The following DNASE2 variants were observed in gnomAD, a reference collection of about 807,000 sequenced individuals.
DNASE2 encodes the protein deoxyribonuclease 2, lysosomal.
A neutral mutation model predicts 29.8 loss-of-function variants in DNASE2; 26 were observed. That is an observed-to-expected ratio of 0.87 (90% CI 0.64 to 1.21). The LOEUF (loss-of-function observed/expected upper bound fraction) is 1.21. Ranked by LOEUF, DNASE2 falls within the 50% of genes most tolerant of loss-of-function variation. DNASE2 has a pLI of 0.00. For synonymous variants in DNASE2, 186 were observed against 193.5 expected, an observed-to-expected ratio of 0.96 and a Z score of 0.32; for missense variants, 415 against 455.6, an observed-to-expected ratio of 0.91 and a Z score of 0.81.
Position 12,876,135 on chromosome 19 carries a change from T to G in DNASE2, c.938A>C (p.Asn313Thr). The G allele has an allele frequency of 6.2e-7, 1 of 1,614,196 alleles. No individual in the cohort carries two copies. The highest frequency in any genetic ancestry group is 8.5e-7 in the Non-Finnish European group (1 of 1,180,038). The change falls in exon 6 of 6, where the codon AAT becomes ACT. Residue 313 changes from asparagine (N) to threonine (T), a missense_variant. By Grantham distance (65) the Asn-to-Thr change is moderately conservative. Coordinates refer to ENST00000222219, the MANE Select transcript of DNASE2 (RefSeq NM_001375.3). ...CCGTTGCTCCTCTCCCTGGTTCCGA[T>G]TCATGTCACCCACGCAGGTCCAGGG... ...KGPWTCVGDMNRNQGEEQRGG... is the reference protein window; with the variant it reads ...KGPWTCVGDMTRNQGEEQRGG...
rs1970319040 is a variant in DNASE2 at position 12,876,212 on chromosome 19, T to C, written c.861A>G (p.Pro287=). Residue 287 remains proline (P), a synonymous_variant, in exon 6 of 6, where the codon CCA becomes CCG. Transcript: ENST00000222219. ...NQIAFPGPAG[P]SFNSTEDHSK... Reference sequence around the variant, plus strand: ...AGTGGTCCTCTGTGCTGTTGAAGCTTGGGCCGGCTGGTCCAGGGAAAGCTA... The same window carrying C: ...AGTGGTCCTCTGTGCTGTTGAAGCTCGGGCCGGCTGGTCCAGGGAAAGCTA... 6.2e-7 allele frequency: 1 copy of C among 1,614,196 alleles called. No homozygotes were observed. The highest frequency in any genetic ancestry group is 8.5e-7 in the Non-Finnish European group (1 of 1,180,028).
chr19:12,878,607 A>G, intron 4 of DNASE2, 28 bp from the exon 5 acceptor site: 2 of 1,614,002 alleles, frequency 1.2e-6, no homozygotes, highest in Non-Finnish European at 1.7e-6. Flanking sequence ...GAGGAAATGC[A>G]AGATCGTTCC....
chr19:12,878,274 G>T, intron 5 of DNASE2, 108 bp downstream of exon 5: 2 of 1,394,992 alleles, frequency 1.4e-6, no homozygotes, highest in Non-Finnish European at 2.0e-6. Flanking sequence ...TGTGATTATA[G>T]CTCCCAAACA....
At position 12,880,473 on chromosome 19, in the gene DNASE2, C is replaced by A. The variant is rs1970367065; in HGVS notation, c.346+329G>T. Among the ~76,000 whole-genome samples, 3 of 152,108 alleles carry A rather than the reference C, an allele frequency of 2.0e-5. No homozygotes were observed. In the South Asian group the frequency reaches 6.2e-4, roughly 32 times the overall value. On this transcript the variant is annotated intron_variant, in intron 3 of 5. Coordinates refer to ENST00000222219, the MANE Select transcript of DNASE2 (RefSeq NM_001375.3). ...AGGAGTTCGAGACCAGCCTGGCCAA[C>A]ATGGTGAAACCTCGTCTGTACTAAA...
chr19:12,875,733 T>C lies in DNASE2; in HGVS notation c.*257A>G. 3.7e-6 allele frequency: 1 copy of C among 270,428 alleles called. No individual in the cohort carries two copies. The highest frequency in any genetic ancestry group is 7.1e-6 in the Non-Finnish European group (1 of 140,046). The allele number at this position is 270,428 out of a possible 1,614,324, so 16.8% of individuals were successfully genotyped here. A position where few individuals can be genotyped will look rare whatever the true frequency, so the allele number is the denominator to read the frequency against. On this transcript the variant is annotated 3_prime_UTR_variant, in exon 6 of 6. Transcript: ENST00000222219. ...CTTTTTTTTTGAAACAGAGTCTTGC[T>C]ATGTGACCCAGGTTGGCGTAATCAT...
intron 3 of DNASE2, among the ~76,000 whole-genome samples, chr19:12,880,102 CAAAA>C (rs71168631): frequency 7.1e-5 from 3 of 42,448 alleles, no homozygotes; most frequent in Non-Finnish European, 8.4e-5. Flanking sequence ...GAGAGTGCCG[CAAAA>C]AAAAAAAAAA....
chr19:12,876,427 C>T, intron 5 of DNASE2, 64 bp from the exon 6 acceptor site: 2 of 1,565,554 alleles, frequency 1.3e-6, no homozygotes, highest in Non-Finnish European at 1.7e-6. Context: ...CCCTAGTCCA[C>T]TTCCCCTCTC....
Position 12,881,143 on chromosome 19 carries a change from G to A in DNASE2, c.96C>T (p.Val32=). The A allele has an allele frequency of 6.2e-7, 1 of 1,611,826 alleles. No homozygotes were observed. Among genetic ancestry groups the A allele is most frequent in the Non-Finnish European group, 8.5e-7 (1 of 1,180,010 alleles). ...ACCCTCTAAGAGCTGGCAGCTTGTAGACCACGAACCTGGAGGTCGGAGAAT... is the reference window on the plus strand; with the variant it reads ...ACCCTCTAAGAGCTGGCAGCTTGTAAACCACGAACCTGGAGGTCGGAGAAT... The part of the protein sequence containing the change: ...DSGQPVDWFV[V]YKLPALRGSG... The change falls in exon 2 of 6, where the codon GTC becomes GTT. Residue 32 remains valine (V), a synonymous_variant. Coordinates refer to ENST00000222219, the MANE Select transcript of DNASE2 (RefSeq NM_001375.3).
rs113476672 is a variant in DNASE2, at chr19:12,879,170, A to G, written c.347-336T>C. On this transcript the variant is annotated intron_variant, in intron 3 of 5. Coordinates refer to ENST00000222219, the MANE Select transcript of DNASE2 (RefSeq NM_001375.3). Reference sequence around the variant, plus strand: ...CATAAGTAAGTAAGTAAGTAAATAAATAAATAAATAAATAAATAAATAAAA... The same window carrying G: ...CATAAGTAAGTAAGTAAGTAAATAAGTAAATAAATAAATAAATAAATAAAA... Among the ~76,000 whole-genome samples the G allele has an allele frequency of 4.3e-3, 365 of 84,478 alleles. 2 individuals are homozygous for G. The highest frequency in any genetic ancestry group is 8.9e-3 in the African/African-American group (168 of 18,830). 55.4% of individuals were successfully genotyped at this position (84,478 alleles called of 152,430 possible).
chr19:12,875,736 G>T lies in DNASE2; in HGVS notation c.*254C>A. 18 of 239,284 alleles carry T rather than the reference G, an allele frequency of 7.5e-5. No individual in the cohort carries two copies. The highest frequency in any genetic ancestry group is 2.1e-4 in the East Asian group (2 of 9,520). 14.8% of individuals were successfully genotyped at this position (239,284 alleles called of 1,614,324 possible). A position where few individuals can be genotyped will look rare whatever the true frequency, so the allele number is the denominator to read the frequency against. On this transcript the variant is annotated 3_prime_UTR_variant, in exon 6 of 6. Coordinates refer to ENST00000222219, the MANE Select transcript of DNASE2 (RefSeq NM_001375.3). ...TTTTTTTGAAACAGAGTCTTGCTATGTGACCCAGGTTGGCGTAATCATAGT... is the reference window on the plus strand; with the variant it reads ...TTTTTTTGAAACAGAGTCTTGCTATTTGACCCAGGTTGGCGTAATCATAGT...
At chr19:12,878,185 T>C in intron 5 of DNASE2, 197 bp downstream of exon 5, 1 of 665,850 alleles carries the variant, frequency 1.5e-6, no homozygotes, top group Non-Finnish European at 2.6e-6. Context: ...ATTTTTCAGA[T>C]GAGTAGACCA....
chr19:12,876,431 C>A lies in DNASE2; in HGVS notation c.710-68G>T, dbSNP rs1003455324. 5 of 1,572,110 alleles carry A rather than the reference C, an allele frequency of 3.2e-6. No individual in the cohort carries two copies. In the African/African-American group the frequency reaches 6.8e-5, roughly 21 times the overall value. On this transcript the variant is annotated intron_variant, in intron 5 of 5. Transcript: ENST00000222219. ...TGCGAGGGAGTCCCTAGTCCACTTC[C>A]CCTCTCTCAGCTCAGTTTCCATATT... is the stretch of plus-strand genomic sequence containing the variant.
chr19:12,877,555 ATTTAT>A (rs1970335257), intron 5 of DNASE2, among the ~76,000 whole-genome samples: 1 of 150,324 alleles, frequency 6.7e-6, no homozygotes, highest in Admixed American at 6.7e-5. Context: ...TTATTTATTT[ATTTAT>A]TTTGAGACAC....
At chr19:12,876,858 TGTC>T (rs1970327135) in intron 5 of DNASE2, among the ~76,000 whole-genome samples, 1 of 152,158 alleles carries the variant, frequency 6.6e-6, no homozygotes, top group South Asian at 2.1e-4. Context: ...AGTCTCACTC[TGTC>T]GCCCAGGCTG....
chr19:12,881,080 A>G lies in DNASE2; in HGVS notation c.159T>C (p.Tyr53=). Reference sequence around the variant, plus strand: ...GCCAGCCTCCGGAGCTCTCGTCCAGATACTTGTACTGCAGCCCTCTCTGCG... The same window carrying G: ...GCCAGCCTCCGGAGCTCTCGTCCAGGTACTTGTACTGCAGCCCTCTCTGCG... The part of the protein sequence containing the change: ...EAAQRGLQYK[Y]LDESSGGWRD... The change falls in exon 2 of 6, where the codon TAT becomes TAC. Residue 53 remains tyrosine, a synonymous_variant. Coordinates refer to ENST00000222219, the MANE Select transcript of DNASE2 (RefSeq NM_001375.3). 6.2e-7 allele frequency: 1 copy of G among 1,612,596 alleles called. No homozygotes were observed. The highest frequency in any genetic ancestry group is 2.2e-5 in the East Asian group (1 of 44,878).
Position 12,881,328 on chromosome 19 carries a change from G to A in DNASE2, c.48C>T (p.Ala16=), listed in dbSNP as rs1677903644. 6.4e-7 allele frequency: 1 copy of A among 1,569,944 alleles called. No homozygotes were observed. Residue 16 remains alanine (A), a synonymous_variant, in exon 1 of 6, where the codon GCC becomes GCT. Coordinates refer to ENST00000222219, the MANE Select transcript of DNASE2 (RefSeq NM_001375.3). ...LAALLCVPAG[A]LTCYGDSGQP... Reference sequence around the variant, plus strand: ...GCCCGGAGTCCCCGTAGCAGGTCAGGGCCCCGGCGGGGACGCACAGCAGCG... The same window carrying A: ...GCCCGGAGTCCCCGTAGCAGGTCAGAGCCCCGGCGGGGACGCACAGCAGCG...
At chr19:12,877,001 T>G (rs1208652469) in intron 5 of DNASE2, among the ~76,000 whole-genome samples, 1 of 151,802 alleles carries the variant, frequency 6.6e-6, no homozygotes, top group Non-Finnish European at 1.5e-5. Flanking sequence ...TTTTGTACTT[T>G]TAGTAGAGAT....
Position 12,875,707 on chromosome 19 carries a change from CCT to C in DNASE2, c.*281_*282del, listed in dbSNP as rs1491464664. 3.0e-6 allele frequency: 1 copy of C among 328,942 alleles called. No homozygotes were observed. The highest frequency in any genetic ancestry group is 4.6e-5 in the Admixed American group (1 of 21,906). 20.4% of individuals were successfully genotyped at this position (328,942 alleles called of 1,614,324 possible). A position where few individuals can be genotyped will look rare whatever the true frequency, so the allele number is the denominator to read the frequency against. ...CTGCACCCACCCGTCCCCCGCCCCC[CCT>C]TTTTTTTTGAAACAGAGTCTTGCTA... On this transcript the variant is annotated 3_prime_UTR_variant, in exon 6 of 6. Coordinates refer to ENST00000222219, the MANE Select transcript of DNASE2 (RefSeq NM_001375.3).
Position 12,876,147 on chromosome 19 carries a change from A to G in DNASE2, c.926T>C (p.Val309Ala). The change falls in exon 6 of 6, where the codon GTG becomes GCG. Residue 309 changes from valine (V) to alanine (A), a missense_variant. Val to Ala is a moderately conservative substitution (Grantham distance 64, BLOSUM62 0). Transcript: ENST00000222219. ...CVSPKGPWTC[V>A]GDMNRNQGEE... ...TCCCTGGTTCCGATTCATGTCACCC[A>G]CGCAGGTCCAGGGCCCTTTTGGGGA... 6.2e-7 allele frequency: 1 copy of G among 1,614,012 alleles called. No homozygotes were observed. Among genetic ancestry groups the G allele is most frequent in the Non-Finnish European group, 8.5e-7 (1 of 1,179,996 alleles).
Sources: gnomAD v4.1 joint callset for allele counts (sites outside exome capture counted in the v4.1 genomes callset) on GRCh38, gnomAD v4.1.1 for gene constraint, MANE v1.5 for transcripts, NCBI Gene and HGNC (gene_info 2026-07-23, HGNC 2026-07-21) for gene names.